The following ADAMTS3 variants were observed in gnomAD, a reference collection of about 807,000 sequenced individuals.
The protein encoded by ADAMTS3 is A disintegrin and metalloproteinase with thrombospondin motifs 3.
ADAMTS3 carries 73 observed loss-of-function variants against 129.0 expected under a neutral mutation model. The observed-to-expected ratio is 0.57, with a 90% confidence interval of 0.47 to 0.69. The LOEUF (loss-of-function observed/expected upper bound fraction) is 0.69. ADAMTS3 is among the 30% of genes least tolerant of loss of function. The pLI, the probability that ADAMTS3 is intolerant of heterozygous loss-of-function variation, is 0.00. For synonymous variants in ADAMTS3, 477 were observed against 510.8 expected (o/e 0.93, Z 0.89); for missense variants, 1,457 against 1,514.5 (o/e 0.96, Z 0.63).
chr4:72,512,976 C>T (rs552083775), intron 3 of ADAMTS3, among the ~76,000 whole-genome samples: 1 of 152,138 alleles, frequency 6.6e-6, no homozygotes, highest in East Asian at 1.9e-4. Flanking sequence ...CTTAAAAATA[C>T]ATCTTCAAGA....
At chr4:72,462,991 CAG>C (rs1354505425) in intron 3 of ADAMTS3, among the ~76,000 whole-genome samples, 3 of 151,940 alleles carry the variant, frequency 2.0e-5, no homozygotes, top group East Asian at 1.9e-4. Context: ...CTCACTCACT[CAG>C]AGTCATACAG....
intron 4 of ADAMTS3, among the ~76,000 whole-genome samples, chr4:72,385,552 T>C (rs1453101753): frequency 6.6e-6 from 1 of 151,920 alleles, no homozygotes; most frequent in East Asian, 1.9e-4. Context: ...GAATGAATAA[T>C]AATAATAAAA....
At chr4:72,559,385 T>G (rs2109803356) in intron 2 of ADAMTS3, among the ~76,000 whole-genome samples, 1 of 151,914 alleles carries the variant, frequency 6.6e-6, no homozygotes, top group East Asian at 1.9e-4. Context: ...TTTGCACCAT[T>G]CCTTTCTCAA....
intron 17 of ADAMTS3, among the ~76,000 whole-genome samples, chr4:72,303,587 G>A (rs1400994915): frequency 6.6e-6 from 1 of 151,902 alleles, no homozygotes; most frequent in Non-Finnish European, 1.5e-5. Context: ...TGGAACGTCA[G>A]ATGTACAAAG....
chr4:72,384,939 C>T (rs919254862), intron 4 of ADAMTS3, among the ~76,000 whole-genome samples: 22 of 152,168 alleles, frequency 1.4e-4, no homozygotes, highest in South Asian at 2.1e-4. Flanking sequence ...GAGGCCAAGG[C>T]GGGCGGATCA....
chr4:72,310,858 GC>G (rs1719213688), intron 14 of ADAMTS3, among the ~76,000 whole-genome samples, 189 bp downstream of exon 14: 1 of 152,080 alleles, frequency 6.6e-6, no homozygotes, highest in African/African-American at 2.4e-5. Flanking sequence ...CCTTGATTCT[GC>G]CAGTGACCAA....
At chr4:72,312,039 G>T (rs1005415392) in intron 13 of ADAMTS3, 3 of 392,358 alleles carry the variant, frequency 7.6e-6, no homozygotes, top group African/African-American at 2.0e-5. Context: ...TCTCCCAGGC[G>T]TTCCTTTCCA....
chr4:72,362,584 C>A (rs950286407), intron 4 of ADAMTS3, among the ~76,000 whole-genome samples: 10 of 152,184 alleles, frequency 6.6e-5, no homozygotes, highest in Middle Eastern at 3.4e-3. Flanking sequence ...TGCAGACTAT[C>A]ATTTATATAC....
At position 72,299,123 on chromosome 4, in the gene ADAMTS3, CTTTG is replaced by C. The variant is rs968080634; in HGVS notation, c.2425-685_2425-682del. Among the ~76,000 whole-genome samples the C allele has an allele frequency of 1.6e-4, 24 of 145,604 alleles. 1 individual carries two copies. The highest frequency in any genetic ancestry group is 4.2e-4 in the Admixed American group (6 of 14,372). Reference sequence around the variant, plus strand: ...TGTACAGACATATTTACTTTCCTGGCTTTGTTTATTTCATGTAACATGCACATTT... The same window carrying C: ...TGTACAGACATATTTACTTTCCTGGCTTTATTTCATGTAACATGCACATTT... On this transcript the variant is annotated intron_variant, in intron 17 of 21. Transcript: ENST00000286657.
chr4:72,515,871 T>C (rs1185780846), intron 3 of ADAMTS3, among the ~76,000 whole-genome samples: 1 of 152,230 alleles, frequency 6.6e-6, no homozygotes, highest in African/African-American at 2.4e-5. Context: ...TTGGCTTTTG[T>C]TGCCATTGCT....
chr4:72,361,679 C>A (rs1348734225), intron 4 of ADAMTS3, among the ~76,000 whole-genome samples: 1 of 152,056 alleles, frequency 6.6e-6, no homozygotes, highest in African/African-American at 2.4e-5. Flanking sequence ...AATCCTGCAA[C>A]TTTAGTCTTG....
rs2109762026 is a variant in ADAMTS3 at position 72,283,696 on chromosome 4, A to G, written c.3058T>C (p.Cys1020Arg). 3 of 1,562,334 alleles carry G rather than the reference A, an allele frequency of 1.9e-6. No individual in the cohort carries two copies. Among genetic ancestry groups the G allele is most frequent in the Non-Finnish European group, 2.6e-6 (3 of 1,150,730 alleles). ...CAGAATATGGACTTGTCTCCCAAAC[A>G]TGGTTCATCTGCAAAAATAAAAAGA... Reference protein sequence around the residue: ...CQLPPCNDEPCLGDKSIFCQM... With the variant: ...CQLPPCNDEPRLGDKSIFCQM... Residue 1020 changes from cysteine (C) to arginine (R), a missense_variant, in exon 22 of 22, where the codon TGT (cysteine) becomes CGT (arginine). Transcript: ENST00000286657.
At chr4:72,518,728 T>A (rs1189806068) in intron 3 of ADAMTS3, among the ~76,000 whole-genome samples, 1 of 151,910 alleles carries the variant, frequency 6.6e-6, no homozygotes, top group Non-Finnish European at 1.5e-5. Context: ...AGCCTATGTG[T>A]GTCTCTGCAC....
At chr4:72,434,816 A>G (rs1310115763) in intron 3 of ADAMTS3, among the ~76,000 whole-genome samples, 1 of 151,838 alleles carries the variant, frequency 6.6e-6, no homozygotes, top group Non-Finnish European at 1.5e-5. Flanking sequence ...AAGCTAGAGA[A>G]TCTTCCGCTG....
intron 3 of ADAMTS3, among the ~76,000 whole-genome samples, chr4:72,481,874 T>C (rs1389959016): frequency 6.6e-6 from 1 of 152,098 alleles, no homozygotes; most frequent in East Asian, 1.9e-4. Flanking sequence ...ACATTTCACA[T>C]ATTTAGAGAA....
At chr4:72,494,656 C>G (rs1719828373) in intron 3 of ADAMTS3, among the ~76,000 whole-genome samples, 1 of 152,122 alleles carries the variant, frequency 6.6e-6, no homozygotes, top group South Asian at 2.1e-4. Flanking sequence ...TTTCCTGTAG[C>G]CTTGCATTGA....
chr4:72,283,548 T>C lies in ADAMTS3; in HGVS notation c.3206A>G (p.His1069Arg). The C allele has an allele frequency of 6.2e-7, 1 of 1,614,042 alleles. No homozygotes were observed. Among genetic ancestry groups the C allele is most frequent in the Non-Finnish European group, 8.5e-7 (1 of 1,179,944 alleles). The change falls in exon 22 of 22, where the codon CAT becomes CGT. Residue 1069 changes from histidine (H) to arginine (R), a missense_variant. His to Arg is a conservative substitution (Grantham distance 29). Coordinates refer to ENST00000286657, the MANE Select transcript of ADAMTS3 (RefSeq NM_014243.3). Reference sequence around the variant, plus strand: ...ACTAGGGTTAGAGATGACATCATCATGAGTTTCAGCAGCTTCTAGAAGGTA... The same window carrying C: ...ACTAGGGTTAGAGATGACATCATCACGAGTTTCAGCAGCTTCTAGAAGGTA... Reference protein sequence around the residue: ...PPYLLEAAETHDDVISNPSDL... With the variant: ...PPYLLEAAETRDDVISNPSDL...
At chr4:72,459,970 T>C (rs1718719017) in intron 3 of ADAMTS3, among the ~76,000 whole-genome samples, 1 of 151,580 alleles carries the variant, frequency 6.6e-6, no homozygotes, top group African/African-American at 2.4e-5. Flanking sequence ...ATCACATAAG[T>C]TCAGGTGCGA....
intron 12 of ADAMTS3, among the ~76,000 whole-genome samples, chr4:72,312,949 G>A (rs971731520): frequency 2.0e-5 from 3 of 152,232 alleles, no homozygotes; most frequent in African/African-American, 7.2e-5. Context: ...ATGAACTTTA[G>A]CTGATCTTTT....
Sources: gnomAD v4.1 joint callset for allele counts (sites outside exome capture counted in the v4.1 genomes callset) on GRCh38, gnomAD v4.1.1 for gene constraint, MANE v1.5 for transcripts, NCBI Gene and HGNC (gene_info 2026-07-23, HGNC 2026-07-21) for gene names.